The following OLFM3 variants were observed in gnomAD, a reference collection of about 807,000 sequenced individuals.
The protein encoded by OLFM3 is olfactomedin 3.
OLFM3 carries 20 observed loss-of-function variants against 48.6 expected under a neutral mutation model. That is an observed-to-expected ratio of 0.41 (90% CI 0.29 to 0.60). The LOEUF (loss-of-function observed/expected upper bound fraction) is 0.60. Ranked by LOEUF, OLFM3 falls within the 20% of genes least tolerant of loss-of-function variation. OLFM3 has a pLI of 0.28. For synonymous variants in OLFM3, 222 were observed against 198.1 expected, an observed-to-expected ratio of 1.12 and a Z score of -1.01; for missense variants, 437 against 544.3, an observed-to-expected ratio of 0.80 and a Z score of 1.96.
intron 4 of OLFM3, among the ~76,000 whole-genome samples, chr1:101,810,795 C>A (rs770963801): frequency 2.6e-4 from 40 of 151,570 alleles, no homozygotes; most frequent in Non-Finnish European, 4.9e-4. Context: ...ATTCTTTCAA[C>A]CTTAAAAAAT....
rs574730920 is a variant in OLFM3, at chr1:101,887,955, T to C, written c.70-50930A>G. On this transcript the variant is annotated intron_variant, in intron 1 of 5. Transcript: ENST00000370103. ...CATATATTCAAATTGTGTAGTATTA[T>C]AGTATGCAGCTATTAACATGTGTGT... is the stretch of plus-strand genomic sequence containing the variant. 7.5e-4 allele frequency among the ~76,000 whole-genome samples: 114 copies of C among 152,252 alleles called. 1 individual carries two copies. The highest frequency in any genetic ancestry group is 2.1e-3 in the South Asian group (10 of 4,826).
intron 1 of OLFM3, among the ~76,000 whole-genome samples, chr1:101,846,291 T>A (rs987262369): frequency 6.6e-6 from 1 of 152,192 alleles, no homozygotes; most frequent in Admixed American, 6.5e-5. Context: ...CTATTGCTCA[T>A]GTTTCTTAGC....
intron 1 of OLFM3, among the ~76,000 whole-genome samples, chr1:101,914,657 T>C (rs1404281243): frequency 1.3e-5 from 2 of 152,184 alleles, no homozygotes; most frequent in Non-Finnish European, 2.9e-5. Flanking sequence ...AGTGAGAACA[T>C]GATGAAGTGG....
At chr1:101,988,575 A>T (rs1008148243) in intron 1 of OLFM3, among the ~76,000 whole-genome samples, 4 of 152,092 alleles carry the variant, frequency 2.6e-5, no homozygotes, top group African/African-American at 9.7e-5. Context: ...AAAAACATAG[A>T]TTATATTCAT....
chr1:101,926,987 C>CATAA (rs1242949998), intron 1 of OLFM3, among the ~76,000 whole-genome samples: 2 of 152,108 alleles, frequency 1.3e-5, no homozygotes, highest in Non-Finnish European at 2.9e-5. Flanking sequence ...TTTTCCTATC[C>CATAA]ATAAATGAAT....
chr1:101,912,725 T>C (rs7523948), intron 1 of OLFM3, among the ~76,000 whole-genome samples: 65,780 of 152,030 alleles, frequency 0.43, 14,329 homozygotes, highest in East Asian at 0.59. Flanking sequence ...GCCTTCTACC[T>C]ACAATCTCTT....
intron 1 of OLFM3, among the ~76,000 whole-genome samples, chr1:101,892,506 C>A (rs1464397098): frequency 6.6e-6 from 1 of 152,052 alleles, no homozygotes; most frequent in Non-Finnish European, 1.5e-5. Flanking sequence ...TATGGTCACT[C>A]TTTAACAAAT....
At chr1:101,830,896 C>A in intron 2 of OLFM3, 69 bp from the exon 3 acceptor site, 2 of 1,411,778 alleles carry the variant, frequency 1.4e-6, no homozygotes. Flanking sequence ...TAAGAAATAG[C>A]AAAAATGCCG....
intron 1 of OLFM3, among the ~76,000 whole-genome samples, chr1:101,863,171 G>A (rs895183966): frequency 1.8e-4 from 27 of 152,086 alleles, no homozygotes; most frequent in African/African-American, 6.0e-4. Context: ...CATGTGGGCC[G>A]TGCTGGTCTC....
Position 101,967,856 on chromosome 1 carries a change from C to T in OLFM3, c.69+28892G>A, listed in dbSNP as rs571135800. Among the ~76,000 whole-genome samples, 43 of 152,120 alleles carry T rather than the reference C, an allele frequency of 2.8e-4. No individual in the cohort carries two copies. In the South Asian group the frequency reaches 8.7e-3, roughly 31 times the overall value. ...GAGGAGTTGGGGGAGGTGGTATGTGCAGGCATTCTTCAGAGTATTCTTCCG... is the reference window on the plus strand; with the variant it reads ...GAGGAGTTGGGGGAGGTGGTATGTGTAGGCATTCTTCAGAGTATTCTTCCG... On this transcript the variant is annotated intron_variant, in intron 1 of 5. Transcript: ENST00000370103.
chr1:101,957,238 C>T (rs1660324979), intron 1 of OLFM3, among the ~76,000 whole-genome samples: 1 of 151,984 alleles, frequency 6.6e-6, no homozygotes, highest in Admixed American at 6.6e-5. Context: ...GAGTCAGTCT[C>T]ATATCTATAT....
At chr1:101,820,175 C>G (rs1044602788) in intron 4 of OLFM3, among the ~76,000 whole-genome samples, 11 of 152,068 alleles carry the variant, frequency 7.2e-5, no homozygotes, top group Non-Finnish European at 1.6e-4. Context: ...ACGGTAAAGA[C>G]AGTAACTCAA....
intron 1 of OLFM3, among the ~76,000 whole-genome samples, chr1:101,918,614 C>T (rs1658999408): frequency 6.7e-6 from 1 of 150,354 alleles, no homozygotes; most frequent in South Asian, 2.1e-4. Context: ...TAATCCCACT[C>T]AAATAATGCA....
intron 1 of OLFM3, among the ~76,000 whole-genome samples, chr1:101,889,059 C>G (rs996565561): frequency 9.2e-5 from 14 of 152,042 alleles, no homozygotes; most frequent in South Asian, 2.1e-4. Context: ...TGGTGGGACT[C>G]TAAACTAGTT....
intron 1 of OLFM3, among the ~76,000 whole-genome samples, chr1:101,920,091 C>T (rs1444253838): frequency 9.9e-5 from 15 of 152,182 alleles, no homozygotes; most frequent in Non-Finnish European, 2.2e-4. Flanking sequence ...ACATTCATTA[C>T]CACCATTTAT....
Position 101,941,934 on chromosome 1 carries a change from A to C in OLFM3, c.69+54814T>G, listed in dbSNP as rs1659808739. 5.3e-5 allele frequency among the ~76,000 whole-genome samples: 8 copies of C among 152,198 alleles called. No homozygotes were observed. In the South Asian group the frequency reaches 1.7e-3, roughly 32 times the overall value. ...AAACACTTTGTAATCTACAAACCTC[A>C]TTTATTCATCATCTCATTTATTATT... On this transcript the variant is annotated intron_variant, in intron 1 of 5. Coordinates refer to ENST00000370103, the MANE Select transcript of OLFM3 (RefSeq NM_058170.4).
chr1:101,804,654 A>G lies in OLFM3; in HGVS notation c.961T>C (p.Trp321Arg). The change falls in exon 6 of 6, where the codon TGG becomes CGG. Residue 321 changes from tryptophan (W) to arginine (R), a missense_variant. Physicochemically the swap from Trp to Arg is moderately radical, Grantham distance 101. This residue lies in a region of OLFM3 where 15 missense variants were observed against 43.0 expected (regional missense o/e 0.35). Coordinates refer to ENST00000370103, the MANE Select transcript of OLFM3 (RefSeq NM_058170.4). The surrounding 1 kb of genome is among the most constrained non-coding windows in gnomAD (Gnocchi z 4.5). ...AGFHNVYPYT[W>R]GGFSDIDLMA... ...AGGTCGATGTCAGAGAATCCACCCCATGTGTAGGGGTAAACATTATGAAAA... is the reference window on the plus strand; with the variant it reads ...AGGTCGATGTCAGAGAATCCACCCCGTGTGTAGGGGTAAACATTATGAAAA... 6.2e-7 allele frequency: 1 copy of G among 1,612,492 alleles called. No homozygotes were observed. Among genetic ancestry groups the G allele is most frequent in the Non-Finnish European group, 8.5e-7 (1 of 1,179,130 alleles).
chr1:101,917,473 G>T (rs1658965170), intron 1 of OLFM3, among the ~76,000 whole-genome samples: 1 of 149,322 alleles, frequency 6.7e-6, no homozygotes. Flanking sequence ...CGGAAGTGCA[G>T]TGGTGGCATC....
chr1:101,929,959 T>C (rs947099380), intron 1 of OLFM3, among the ~76,000 whole-genome samples: 1 of 152,038 alleles, frequency 6.6e-6, no homozygotes, highest in African/African-American at 2.4e-5. Context: ...CAATATAGAA[T>C]ATAGACTATA....
Sources: allele counts gnomAD v4.1 joint callset (sites outside exome capture counted in the v4.1 genomes callset), GRCh38; gene constraint gnomAD v4.1.1; regional missense constraint gnomAD v4.1.1; non-coding constraint Gnocchi (gnomAD v3.1); transcripts MANE v1.5; gene names NCBI Gene and HGNC (gene_info 2026-07-23, HGNC 2026-07-21).